Variants in DYSF observed in about 807,000 individuals in gnomAD.
DYSF encodes dystrophy-associated fer-1-like 1.
In DYSF, 212 loss-of-function variants were observed where a neutral mutation model predicts 274.9. The ratio of observed to expected loss-of-function variants is 0.77; its 90% CI spans 0.69 to 0.86. The LOEUF (loss-of-function observed/expected upper bound fraction) is 0.86. DYSF is among the 40% of genes least tolerant of loss of function. The pLI, the probability that DYSF is intolerant of heterozygous loss-of-function variation, is 0.00. For synonymous variants in DYSF, 1,091 were observed against 1,078.7 expected (o/e 1.01, Z -0.22); for missense variants, 2,666 against 2,783.2 (o/e 0.96, Z 0.95).
At chr2:71,467,076 G>T (rs2081585842) in intron 1 of DYSF, 143 bp downstream of exon 1, 1 of 1,238,590 alleles carries the variant, frequency 8.1e-7, no homozygotes, top group Non-Finnish European at 1.1e-6. Context: ...GGAAATCCCA[G>T]CCCCGACTTC....
chr2:71,682,858 A>G (rs2095312903), intron 55 of DYSF, among the ~76,000 whole-genome samples, 181 bp downstream of exon 55: 1 of 152,156 alleles, frequency 6.6e-6, no homozygotes, highest in East Asian at 1.9e-4. Context: ...TAGGTGTACA[A>G]AGTTCTACCC....
At position 71,574,366 on chromosome 2, in the gene DYSF, G is replaced by A. The variant is rs200334333; in HGVS notation, c.3397G>A (p.Ala1133Thr). The A allele has an allele frequency of 5.6e-6, 9 of 1,613,588 alleles. No individual in the cohort carries two copies. The highest frequency in any genetic ancestry group is 5.0e-5 in the Admixed American group (3 of 59,990). The change falls in exon 30 of 56, where the codon GCC (alanine) becomes ACC (threonine). Residue 1133 changes from alanine to threonine, a missense_variant. Transcript: ENST00000410020. Reference sequence around the variant, plus strand: ...TGCAGCTGTGTTTGCCCTTGAGGGGGCCCTGGTATGTGGGGCTGCACTTGT... The same window carrying A: ...TGCAGCTGTGTTTGCCCTTGAGGGGACCCTGGTATGTGGGGCTGCACTTGT... ...GPAAVFALEG[A>T]LGGVMDDKSE...
chr2:71,618,308 G>GTA (rs2093973759), intron 40 of DYSF, among the ~76,000 whole-genome samples: 1 of 55,148 alleles, frequency 1.8e-5, no homozygotes, highest in African/African-American at 7.2e-5. Flanking sequence ...TAGAGGTGGT[G>GTA]TGTGTGTGTG....
At chr2:71,601,938 A>T (rs2093559404) in intron 35 of DYSF, among the ~76,000 whole-genome samples, 2 of 152,218 alleles carry the variant, frequency 1.3e-5, no homozygotes, top group Non-Finnish European at 2.9e-5. Context: ...CACTGAAGCA[A>T]TTCTGAGGGC....
chr2:71,679,262 G>A (rs1243707050), intron 53 of DYSF, 27 bp downstream of exon 53: 2 of 1,608,610 alleles, frequency 1.2e-6, no homozygotes, highest in African/African-American at 2.7e-5. Flanking sequence ...CAGCCCCAGT[G>A]GAGGGCATGG....
rs759051563 is a variant in DYSF, at chr2:71,583,351, T to C, written c.3403-6242T>C. On this transcript the variant is annotated intron_variant, in intron 30 of 55. Transcript: ENST00000410020. Reference sequence around the variant, plus strand: ...CCACAGGTGCTCTTCAGGCCCATCCTGTGTAGGAGTTGAGTCCTCCCCATA... The same window carrying C: ...CCACAGGTGCTCTTCAGGCCCATCCCGTGTAGGAGTTGAGTCCTCCCCATA... 3.3e-4 allele frequency among the ~76,000 whole-genome samples: 50 copies of C among 152,210 alleles called. 1 individual carries two copies. Among genetic ancestry groups the C allele is most frequent in the Admixed American group, 2.6e-3 (40 of 15,288 alleles).
chr2:71,582,809 T>C (rs910534077), intron 30 of DYSF, among the ~76,000 whole-genome samples: 5 of 151,954 alleles, frequency 3.3e-5, no homozygotes, highest in African/African-American at 1.2e-4. Context: ...AGCACACTGA[T>C]ACATAATATT....
chr2:71,488,875 G>A (rs2083572124), intron 3 of DYSF, among the ~76,000 whole-genome samples: 1 of 152,158 alleles, frequency 6.6e-6, no homozygotes, highest in Non-Finnish European at 1.5e-5. Flanking sequence ...CCCATGGTCT[G>A]AGCATCAGTC....
chr2:71,681,041 A>C lies in DYSF; in HGVS notation c.6104A>C (p.Glu2035Ala). The change falls in exon 54 of 56, where the codon GAG (glutamate) becomes GCG (alanine). Residue 2035 changes from glutamate (E) to alanine (A), a missense_variant. Physicochemically the swap from Glu to Ala is moderately radical, Grantham distance 107. Around this residue, in one of 3 missense-constraint regions of DYSF, gnomAD observed 1,460 missense variants for 1,502.1 expected, o/e 0.97. Transcript: ENST00000410020. ...ACCTTGGAGATTGTAGCAGAGAGTG[A>C]GCATGAGGAGCGGCCTGCTGGCCAG... Reference protein sequence around the residue: ...EMTLEIVAESEHEERPAGQGR... With the variant: ...EMTLEIVAESAHEERPAGQGR... The C allele has an allele frequency of 6.2e-7, 1 of 1,614,224 alleles. No individual in the cohort carries two copies. Among genetic ancestry groups the C allele is most frequent in the Non-Finnish European group, 8.5e-7 (1 of 1,180,052 alleles).
At chr2:71,591,948 C>G (rs1402449877) in intron 32 of DYSF, among the ~76,000 whole-genome samples, 1 of 152,242 alleles carries the variant, frequency 6.6e-6, no homozygotes, top group Non-Finnish European at 1.5e-5. Context: ...AGCAGCAACC[C>G]GCCAGAATTT....
intron 32 of DYSF, among the ~76,000 whole-genome samples, chr2:71,597,355 A>G (rs911055780): frequency 6.6e-6 from 1 of 152,158 alleles, no homozygotes; most frequent in African/African-American, 2.4e-5. Flanking sequence ...TCAAGGTGAC[A>G]TCCCATTAGG....
intron 36 of DYSF, among the ~76,000 whole-genome samples, chr2:71,603,689 G>A (rs745356786): frequency 1.4e-4 from 22 of 152,118 alleles, no homozygotes; most frequent in Non-Finnish European, 2.8e-4. Flanking sequence ...CCTGACAGGC[G>A]GCCTCCTGCT....
chr2:71,528,574 C>T (rs991346737), intron 14 of DYSF, among the ~76,000 whole-genome samples, 173 bp downstream of exon 14: 2 of 152,178 alleles, frequency 1.3e-5, no homozygotes, highest in Non-Finnish European at 2.9e-5. Context: ...CTCTCAGGGA[C>T]TGCCCCGCAC....
Position 71,564,233 on chromosome 2 carries a change from A to T in DYSF, c.2565+20A>T, listed in dbSNP as rs376086804. ...CTGAAAGTGAGTTTTCTTTTTTCCC[A>T]AGTCATGATCGTATTTTTCCCAACA... On this transcript the variant is annotated intron_variant, in intron 24 of 55. Coordinates refer to ENST00000410020, the MANE Select transcript of DYSF (RefSeq NM_001130987.2). 24 of 1,614,028 alleles carry T rather than the reference A, an allele frequency of 1.5e-5. No homozygotes were observed. Among genetic ancestry groups the T allele is most frequent in the African/African-American group, 5.3e-5 (4 of 74,910 alleles).
At position 71,541,448 on chromosome 2, in the gene DYSF, T is replaced by G. The variant is rs116088796; in HGVS notation, c.1576+2209T>G. On this transcript the variant is annotated intron_variant, in intron 17 of 55. Coordinates refer to ENST00000410020, the MANE Select transcript of DYSF (RefSeq NM_001130987.2). Reference sequence around the variant, plus strand: ...TTGTACAGAGCAAATTTTTATAATTTGAATAATTCTCTCTACCTGTGGTGT... The same window carrying G: ...TTGTACAGAGCAAATTTTTATAATTGGAATAATTCTCTCTACCTGTGGTGT... 7.7e-3 allele frequency among the ~76,000 whole-genome samples: 1,179 copies of G among 152,290 alleles called. 14 individuals carry two copies. Among genetic ancestry groups the G allele is most frequent in the African/African-American group, 0.027 (1,119 of 41,586 alleles).
chr2:71,590,098 C>T, intron 31 of DYSF, 113 bp from the exon 32 acceptor site: 1 of 1,041,486 alleles, frequency 9.6e-7, no homozygotes, highest in Non-Finnish European at 1.5e-6. Flanking sequence ...TTCCCTCATT[C>T]AGCCCCTCTG....
At chr2:71,640,649 C>T (rs143814746) in intron 41 of DYSF, among the ~76,000 whole-genome samples, 1 of 152,186 alleles carries the variant, frequency 6.6e-6, no homozygotes, top group African/African-American at 2.4e-5. Flanking sequence ...CTGGAATAAC[C>T]CAGCTTGACC....
intron 40 of DYSF, among the ~76,000 whole-genome samples, chr2:71,619,033 T>TA (rs1232065725): frequency 2.6e-5 from 4 of 151,948 alleles, no homozygotes. Context: ...TATGCCCGAG[T>TA]CCCAAAGGGG....
intron 47 of DYSF, 61 bp from the exon 48 acceptor site, chr2:71,667,315 C>A (rs2095032384): frequency 6.2e-7 from 1 of 1,611,764 alleles, no homozygotes; most frequent in Non-Finnish European, 8.5e-7. Flanking sequence ...GTTCACTGGG[C>A]AGCCCCATTA....
Sources: allele counts gnomAD v4.1 joint callset (sites outside exome capture counted in the v4.1 genomes callset), GRCh38; gene constraint gnomAD v4.1.1; regional missense constraint gnomAD v4.1.1; transcripts MANE v1.5; gene names NCBI Gene and HGNC (gene_info 2026-07-23, HGNC 2026-07-21).